The following MAML3 variants were observed in gnomAD, a reference collection of about 807,000 sequenced individuals.
The protein encoded by MAML3 is mastermind like transcriptional coactivator 3, also known as mastermind-like protein 3.
MAML3 carries 27 observed loss-of-function variants against 101.9 expected under a neutral mutation model. The ratio of observed to expected loss-of-function variants is 0.27; its 90% CI spans 0.20 to 0.37. MAML3 has a LOEUF of 0.37. MAML3 is among the 10% of genes least tolerant of loss of function. The pLI is 1.00. For missense variants in MAML3, 1,316 were observed against 1,444.9 expected (o/e 0.91, Z 1.45); for synonymous variants, 501 against 555.9 (o/e 0.90, Z 1.39).
chr4:140,082,561 G>A (rs997550412), intron 1 of MAML3, among the ~76,000 whole-genome samples: 1 of 152,040 alleles, frequency 6.6e-6, no homozygotes, highest in Non-Finnish European at 1.5e-5. Flanking sequence ...ATGGCCACTA[G>A]CCCATACCAA....
At chr4:139,936,505 C>T (rs1049070285) in intron 1 of MAML3, among the ~76,000 whole-genome samples, 1 of 152,184 alleles carries the variant, frequency 6.6e-6, no homozygotes, top group Non-Finnish European at 1.5e-5. Context: ...TTTACATGCT[C>T]ACCAATATTG....
chr4:139,955,325 CT>C (rs11393209), intron 1 of MAML3, among the ~76,000 whole-genome samples: 15 of 149,468 alleles, frequency 1.0e-4, no homozygotes, highest in African/African-American at 2.2e-4. Flanking sequence ...GAAAACTTTA[CT>C]TTTTTTTTTA....
At chr4:140,127,297 G>A (rs941696092) in intron 1 of MAML3, among the ~76,000 whole-genome samples, 3 of 152,208 alleles carry the variant, frequency 2.0e-5, no homozygotes, top group African/African-American at 2.4e-5. Flanking sequence ...TCTTGCAGGG[G>A]AGGGGCAGTA....
intron 2 of MAML3, among the ~76,000 whole-genome samples, chr4:139,786,781 T>C (rs1014575182): frequency 2.0e-5 from 3 of 152,156 alleles, no homozygotes; most frequent in African/African-American, 4.8e-5. Flanking sequence ...GGATTATGGG[T>C]TTCAGGAGGT....
chr4:139,775,428 T>C (rs1185503459), intron 2 of MAML3, among the ~76,000 whole-genome samples: 1 of 152,036 alleles, frequency 6.6e-6, no homozygotes. Flanking sequence ...TGGGACACAT[T>C]AGCTGGCCCT....
At chr4:140,062,387 C>T (rs1234550068) in intron 1 of MAML3, among the ~76,000 whole-genome samples, 1 of 152,130 alleles carries the variant, frequency 6.6e-6, no homozygotes, top group African/African-American at 2.4e-5. Flanking sequence ...ATACTGTACT[C>T]AGACCCCTCC....
intron 1 of MAML3, among the ~76,000 whole-genome samples, chr4:140,133,283 T>A (rs1728826756): frequency 6.6e-6 from 1 of 152,182 alleles, no homozygotes; most frequent in African/African-American, 2.4e-5. Flanking sequence ...TTTGTACCAT[T>A]ACCCAAAGCA....
chr4:139,751,728 T>C (rs1396956451), intron 2 of MAML3, among the ~76,000 whole-genome samples: 1 of 152,140 alleles, frequency 6.6e-6, no homozygotes, highest in Non-Finnish European at 1.5e-5. Context: ...GTAGACCTTG[T>C]GCCTGGAGGG....
intron 1 of MAML3, among the ~76,000 whole-genome samples, chr4:140,018,420 C>T (rs1033919157): frequency 1.8e-4 from 28 of 152,070 alleles, no homozygotes; most frequent in African/African-American, 5.3e-4. Context: ...AAGAAGAAAA[C>T]AATCTTGTTT....
chr4:139,838,135 A>C (rs1731292660), intron 2 of MAML3, among the ~76,000 whole-genome samples: 1 of 151,656 alleles, frequency 6.6e-6, no homozygotes, highest in Non-Finnish European at 1.5e-5. Context: ...CCAGATCACC[A>C]TTATAGGATG....
chr4:139,788,360 C>T (rs1730342919), intron 2 of MAML3, among the ~76,000 whole-genome samples: 1 of 152,168 alleles, frequency 6.6e-6, no homozygotes, highest in Admixed American at 6.5e-5. Context: ...AAACTAGAAT[C>T]AGTTAGTTTG....
At chr4:139,896,509 A>G (rs1454834555) in intron 1 of MAML3, among the ~76,000 whole-genome samples, 1 of 152,054 alleles carries the variant, frequency 6.6e-6, no homozygotes, top group East Asian at 1.9e-4. Context: ...GGCTGCTATC[A>G]TGTGTCAATT....
intron 1 of MAML3, among the ~76,000 whole-genome samples, chr4:140,011,098 GAA>G (rs70943466): frequency 4.1e-4 from 40 of 97,508 alleles, no homozygotes; most frequent in Admixed American, 5.2e-4. Flanking sequence ...ACTCTGTCTC[GAA>G]AAAAAAAAAA....
At chr4:139,827,601 A>T (rs998206371) in intron 2 of MAML3, among the ~76,000 whole-genome samples, 1 of 152,250 alleles carries the variant, frequency 6.6e-6, no homozygotes, top group Admixed American at 6.5e-5. Context: ...TTCCAATCCA[A>T]TATCTTTGTT....
chr4:139,783,006 C>T (rs1471981522), intron 2 of MAML3, among the ~76,000 whole-genome samples: 2 of 152,108 alleles, frequency 1.3e-5, no homozygotes, highest in African/African-American at 4.8e-5. Context: ...AAAAAAGGAG[C>T]AATGCATAAA....
chr4:139,760,479 G>A (rs1212234849), intron 2 of MAML3, among the ~76,000 whole-genome samples: 1 of 152,130 alleles, frequency 6.6e-6, no homozygotes, highest in Non-Finnish European at 1.5e-5. Context: ...GAATTAAAAG[G>A]GACTGATGGC....
intron 2 of MAML3, among the ~76,000 whole-genome samples, chr4:139,850,661 C>G (rs60885103): frequency 0.29 from 43,710 of 151,780 alleles, 7,285 homozygotes; most frequent in East Asian, 0.68. Context: ...CCACCTCAGC[C>G]TCCCGAGTAG....
intron 2 of MAML3, among the ~76,000 whole-genome samples, chr4:139,743,847 G>A (rs1729236617): frequency 6.6e-6 from 1 of 152,198 alleles, no homozygotes. Context: ...TAGTCACAGA[G>A]AATTTTGAAG....
rs561527263 is a variant in MAML3, at chr4:140,085,717, C to T, written c.468+67143G>A. Among the ~76,000 whole-genome samples the T allele has an allele frequency of 4.6e-5, 7 of 152,256 alleles. No individual in the cohort carries two copies. The East Asian group carries it at 5.8e-4, about 13-fold the overall frequency. On this transcript the variant is annotated intron_variant, in intron 1 of 4. Transcript: ENST00000509479. ...CTCACACAAGAGCATGCTTAACCCA[C>T]GGGTACCTTTCAATGTTCATGTATA...
Sources: allele counts gnomAD v4.1 joint callset (sites outside exome capture counted in the v4.1 genomes callset), GRCh38; gene constraint gnomAD v4.1.1; transcripts MANE v1.5; gene names NCBI Gene and HGNC (gene_info 2026-07-23, HGNC 2026-07-21).